The following AUTS2 variants were observed in gnomAD, a reference collection of about 807,000 sequenced individuals.
The protein encoded by AUTS2 is activator of transcription and developmental regulator AUTS2.
AUTS2 carries 17 observed loss-of-function variants against 112.4 expected under a neutral mutation model. That is an observed-to-expected ratio of 0.15 (90% confidence interval 0.10 to 0.23). The LOEUF is 0.23. AUTS2 is among the 10% of genes least tolerant of loss of function. The pLI is 1.00. For synonymous variants in AUTS2, 751 were observed against 702.7 expected (o/e 1.07, Z -1.09); for missense variants, 1,510 against 1,701.6 (o/e 0.89, Z 1.98).
At chr7:70,108,010 C>CA (rs1206864743) in intron 2 of AUTS2, among the ~76,000 whole-genome samples, 2,797 of 107,394 alleles carry the variant, frequency 0.026, 70 homozygotes, top group African/African-American at 0.07. Flanking sequence ...GACTCTGTCT[C>CA]AAAAAAAAAA....
In AUTS2 at chr7:69,899,445, A is replaced by G; in HGVS notation, c.469A>G (p.Asn157Asp). Residue 157 changes from asparagine (N) to aspartate (D), a missense_variant, in exon 2 of 19, where the codon AAT becomes GAT. Asn to Asp is a conservative substitution (Grantham distance 23, BLOSUM62 1). Coordinates refer to ENST00000342771, the MANE Select transcript of AUTS2 (RefSeq NM_015570.4). ...HYSSDRENDR[N>D]LCQHLGKRKK... ...CAGCTCAGATCGAGAAAATGACCGC[A>G]ATCTCTGCCAGCACCTTGGGAAGAG... is the stretch of plus-strand genomic sequence containing the variant. 1 of 1,613,998 alleles carries G rather than the reference A, an allele frequency of 6.2e-7. No homozygotes were observed. Among genetic ancestry groups the G allele is most frequent in the Non-Finnish European group, 8.5e-7 (1 of 1,179,878 alleles).
At chr7:70,626,139 CT>C (rs1346655472) in intron 5 of AUTS2, among the ~76,000 whole-genome samples, 1 of 151,920 alleles carries the variant, frequency 6.6e-6, no homozygotes, top group Non-Finnish European at 1.5e-5. Flanking sequence ...TCTCGAACTC[CT>C]GACATCAGGT....
chr7:70,261,845 A>G (rs1206431041), intron 4 of AUTS2, among the ~76,000 whole-genome samples: 1 of 152,188 alleles, frequency 6.6e-6, no homozygotes, highest in Non-Finnish European at 1.5e-5. Context: ...CGCCTCTTTG[A>G]TCATGAATGT....
chr7:70,404,923 G>A (rs1288528648), intron 4 of AUTS2, among the ~76,000 whole-genome samples: 2 of 152,150 alleles, frequency 1.3e-5, no homozygotes, highest in Middle Eastern at 3.4e-3. Flanking sequence ...AGAAACCGGG[G>A]CAAAAGTTCC....
At chr7:70,514,048 C>T (rs992088571) in intron 5 of AUTS2, among the ~76,000 whole-genome samples, 8 of 152,210 alleles carry the variant, frequency 5.3e-5, no homozygotes, top group African/African-American at 1.9e-4. Context: ...ATAATGTCCT[C>T]TCTTTTACCC....
chr7:69,718,759 C>T (rs1044365818), intron 1 of AUTS2, among the ~76,000 whole-genome samples: 2 of 152,110 alleles, frequency 1.3e-5, no homozygotes, highest in African/African-American at 4.8e-5. Flanking sequence ...TTATTTCTAC[C>T]TGTTACAGTA....
chr7:70,774,282 C>G lies in AUTS2; in HGVS notation c.1902+183C>G, dbSNP rs1790548008. 3 of 601,214 alleles carry G rather than the reference C, an allele frequency of 5.0e-6. No homozygotes were observed. The Admixed American group carries it at 8.2e-5, about 17-fold the overall frequency. 37.2% of individuals were successfully genotyped at this position (601,214 alleles called of 1,614,324 possible). A position where few individuals can be genotyped will look rare whatever the true frequency, so the allele number is the denominator to read the frequency against. On this transcript the variant is annotated intron_variant, in intron 12 of 18. Coordinates refer to ENST00000342771, the MANE Select transcript of AUTS2 (RefSeq NM_015570.4). ...AAAACACAGTCTCTCCTGCTCACTGCGAGCATAGGACACAAAGAGACCGAC... is the reference window on the plus strand; with the variant it reads ...AAAACACAGTCTCTCCTGCTCACTGGGAGCATAGGACACAAAGAGACCGAC...
intron 1 of AUTS2, among the ~76,000 whole-genome samples, chr7:69,823,126 A>C (rs1791071858): frequency 6.6e-6 from 1 of 152,222 alleles, no homozygotes; most frequent in Non-Finnish European, 1.5e-5. Flanking sequence ...CTGTAAAAAA[A>C]ACGAAGTCAT....
At chr7:69,851,178 G>A (rs1792464271) in intron 1 of AUTS2, among the ~76,000 whole-genome samples, 1 of 152,148 alleles carries the variant, frequency 6.6e-6, no homozygotes, top group African/African-American at 2.4e-5. Context: ...CTGTTTCTAG[G>A]TTCTCTATTC....
intron 1 of AUTS2, among the ~76,000 whole-genome samples, chr7:69,690,902 A>C (rs531118382): frequency 3.3e-5 from 5 of 152,120 alleles, no homozygotes; most frequent in Non-Finnish European, 7.3e-5. Flanking sequence ...GAGGGGCTTC[A>C]TTTAAGTGAC....
At chr7:70,278,887 GT>G (rs1365817852) in intron 4 of AUTS2, among the ~76,000 whole-genome samples, 2 of 152,054 alleles carry the variant, frequency 1.3e-5, no homozygotes, top group Non-Finnish European at 2.9e-5. Flanking sequence ...CAACAAAGTT[GT>G]TTTTTCTACA....
intron 12 of AUTS2, 67 bp downstream of exon 12, chr7:70,774,166 C>A (rs1234916070): frequency 1.4e-6 from 2 of 1,448,352 alleles, no homozygotes; most frequent in Non-Finnish European, 1.9e-6. Flanking sequence ...GGACGGCCAG[C>A]CCAGTGCTCG....
intron 1 of AUTS2, among the ~76,000 whole-genome samples, chr7:69,806,136 T>TCTTCCTA (rs2129343061): frequency 6.7e-6 from 1 of 150,072 alleles, no homozygotes; most frequent in Non-Finnish European, 1.5e-5. Context: ...TCTCAAGCGG[T>TCTTCCTA]CTTCCTACCT....
At chr7:69,712,495 T>C (rs1353679117) in intron 1 of AUTS2, among the ~76,000 whole-genome samples, 1 of 152,214 alleles carries the variant, frequency 6.6e-6, no homozygotes, top group Non-Finnish European at 1.5e-5. Context: ...TGTTTTCTTT[T>C]CCTTGGCTTC....
intron 1 of AUTS2, among the ~76,000 whole-genome samples, chr7:69,613,996 T>C (rs908702305): frequency 5.9e-5 from 9 of 152,238 alleles, no homozygotes; most frequent in African/African-American, 2.2e-4. Flanking sequence ...TTAAGGTTTG[T>C]TTATGCTACA....
At chr7:69,859,237 A>G (rs1305164051) in intron 1 of AUTS2, among the ~76,000 whole-genome samples, 1 of 152,246 alleles carries the variant, frequency 6.6e-6, no homozygotes, top group Non-Finnish European at 1.5e-5. Flanking sequence ...ATTGTTTAAA[A>G]GGAAATAGAA....
At chr7:70,003,478 AATAT>A (rs1221647969) in intron 2 of AUTS2, among the ~76,000 whole-genome samples, 1 of 76,276 alleles carries the variant, frequency 1.3e-5, no homozygotes, top group African/African-American at 6.5e-5. Context: ...GTTATATATG[AATAT>A]ATATAATATA....
intron 5 of AUTS2, among the ~76,000 whole-genome samples, chr7:70,634,211 G>A (rs1805419694): frequency 6.6e-6 from 1 of 152,176 alleles, no homozygotes; most frequent in Non-Finnish European, 1.5e-5. Flanking sequence ...GCTGGAGTGG[G>A]AAGGCGCCAT....
intron 1 of AUTS2, among the ~76,000 whole-genome samples, chr7:69,786,281 G>C (rs1789370700): frequency 6.6e-6 from 1 of 152,196 alleles, no homozygotes; most frequent in Non-Finnish European, 1.5e-5. Context: ...CTGTTAAAAT[G>C]CACCAATCAG....
Sources: gnomAD v4.1 joint callset for allele counts (sites outside exome capture counted in the v4.1 genomes callset) on GRCh38, gnomAD v4.1.1 for gene constraint, MANE v1.5 for transcripts, NCBI Gene and HGNC (gene_info 2026-07-23, HGNC 2026-07-21) for gene names.